TEAD1: variants seen among roughly 807,000 people sequenced by gnomAD.
TEAD1 encodes the protein transcriptional enhancer factor TEF-1.
TEAD1 carries 9 observed loss-of-function variants against 54.9 expected under a neutral mutation model. That is an observed-to-expected ratio of 0.16 (90% CI 0.10 to 0.29). The LOEUF is 0.29. TEAD1 is among the 10% of genes least tolerant of loss of function. The pLI, the probability that TEAD1 is intolerant of heterozygous loss-of-function variation, is 1.00. For missense variants in TEAD1, 387 were observed against 535.9 expected, an observed-to-expected ratio of 0.72 and a Z score of 2.74; for synonymous variants, 200 against 187.8, an observed-to-expected ratio of 1.07 and a Z score of -0.53.
At chr11:12,744,327 A>T (rs1195666817) in intron 2 of TEAD1, among the ~76,000 whole-genome samples, 1 of 152,214 alleles carries the variant, frequency 6.6e-6, no homozygotes, top group Admixed American at 6.5e-5. Flanking sequence ...GATTACAAGG[A>T]TGTTTGCTAC....
At chr11:12,746,872 C>T (rs1438499813) in intron 2 of TEAD1, among the ~76,000 whole-genome samples, 2 of 152,234 alleles carry the variant, frequency 1.3e-5, no homozygotes, top group Admixed American at 1.3e-4. Context: ...GGGCAGGCTG[C>T]AGCAGGGGCT....
At chr11:12,712,980 A>G (rs1403800426) in intron 2 of TEAD1, among the ~76,000 whole-genome samples, 2 of 152,152 alleles carry the variant, frequency 1.3e-5, no homozygotes, top group Non-Finnish European at 2.9e-5. Context: ...GTGACCAGGT[A>G]CTTCTCAGGT....
chr11:12,914,061 T>A (rs1948665822), intron 10 of TEAD1, among the ~76,000 whole-genome samples: 1 of 152,328 alleles, frequency 6.6e-6, no homozygotes, highest in African/African-American at 2.4e-5. Flanking sequence ...ACCTGACTCT[T>A]TCATCCTAGC....
chr11:12,787,384 G>A (rs1284272005), intron 3 of TEAD1, among the ~76,000 whole-genome samples: 1 of 152,158 alleles, frequency 6.6e-6, no homozygotes, highest in African/African-American at 2.4e-5. Context: ...GATGCGCCTG[G>A]TTTAAGGGAC....
rs76096096 is a variant in TEAD1 at position 12,830,271 on chromosome 11, G to A, written c.203-31979G>A. ...TGAGGTCAGAGGATACCTGACCTAC[G>A]AAGATCCACAAAGGCTGGCAGTGGG... On this transcript the variant is annotated intron_variant, in intron 3 of 12. Coordinates refer to ENST00000527636, the MANE Select transcript of TEAD1 (RefSeq NM_021961.6). Among the ~76,000 whole-genome samples the A allele has an allele frequency of 4.2e-3, 641 of 152,206 alleles. 12 individuals are homozygous for A. The highest frequency in any genetic ancestry group is 0.03 in the Admixed American group (456 of 15,294).
At chr11:12,679,956 T>A (rs1358544822) in intron 2 of TEAD1, among the ~76,000 whole-genome samples, 1 of 152,222 alleles carries the variant, frequency 6.6e-6, no homozygotes, top group East Asian at 1.9e-4. Context: ...CACTGCTGAG[T>A]TCTCTTTGAA....
At chr11:12,719,742 G>A (rs546014337) in intron 2 of TEAD1, among the ~76,000 whole-genome samples, 2 of 152,038 alleles carry the variant, frequency 1.3e-5, no homozygotes, top group African/African-American at 4.8e-5. Context: ...TAGGATATTG[G>A]TTCAAACTGC....
At position 12,767,868 on chromosome 11, in the gene TEAD1, C is replaced by A. The variant is rs983685972; in HGVS notation, c.202+3434C>A. ...GTCTTTTTCATTTTTTGTTTTTACA[C>A]AGCTACGTGTGACTCTTTTCCTGGT... is the stretch of plus-strand genomic sequence containing the variant. On this transcript the variant is annotated intron_variant, in intron 3 of 12. Coordinates refer to ENST00000527636, the MANE Select transcript of TEAD1 (RefSeq NM_021961.6). Among the ~76,000 whole-genome samples, 20 of 152,246 alleles carry A rather than the reference C, an allele frequency of 1.3e-4. 2 individuals carry two copies. The highest frequency in any genetic ancestry group is 1.1e-3 in the Admixed American group (17 of 15,294).
At chr11:12,841,541 T>C (rs568796258) in intron 3 of TEAD1, among the ~76,000 whole-genome samples, 17 of 152,206 alleles carry the variant, frequency 1.1e-4, no homozygotes, top group Non-Finnish European at 2.2e-4. Flanking sequence ...TCTCTGGCTT[T>C]TCTGAGAATC....
At chr11:12,737,903 A>G (rs1944569638) in intron 2 of TEAD1, among the ~76,000 whole-genome samples, 1 of 152,218 alleles carries the variant, frequency 6.6e-6, no homozygotes. Flanking sequence ...ATGGACTCAC[A>G]GTTCCATGTG....
chr11:12,681,390 G>A (rs76595359), intron 2 of TEAD1, among the ~76,000 whole-genome samples: 2,179 of 152,150 alleles, frequency 0.014, 57 homozygotes, highest in African/African-American at 0.05. Context: ...TACCTTAGCC[G>A]TAAAATGCAA....
At chr11:12,788,139 C>G (rs903160061) in intron 3 of TEAD1, among the ~76,000 whole-genome samples, 1 of 129,294 alleles carries the variant, frequency 7.7e-6, no homozygotes, top group Non-Finnish European at 1.7e-5. Context: ...CTAATTTTGT[C>G]TTTTTTTTTT....
At chr11:12,698,408 A>G (rs1360514551) in intron 2 of TEAD1, among the ~76,000 whole-genome samples, 1 of 152,052 alleles carries the variant, frequency 6.6e-6, no homozygotes, top group African/African-American at 2.4e-5. Context: ...TGTTTAAACT[A>G]CCAGAGCAGA....
chr11:12,717,218 GC>G (rs1277053176), intron 2 of TEAD1, among the ~76,000 whole-genome samples: 4 of 152,218 alleles, frequency 2.6e-5, no homozygotes, highest in Non-Finnish European at 5.9e-5. Flanking sequence ...GCAGTTGTAT[GC>G]CTCTGGTATG....
intron 3 of TEAD1, among the ~76,000 whole-genome samples, chr11:12,797,697 AG>A (rs1171002367): frequency 6.6e-6 from 1 of 152,058 alleles, no homozygotes; most frequent in Non-Finnish European, 1.5e-5. Context: ...ATCTGTGCAG[AG>A]GATCACCATT....
Position 12,939,391 on chromosome 11 carries a change from G to C in TEAD1, c.*2169G>C, listed in dbSNP as rs941481257. On this transcript the variant is annotated 3_prime_UTR_variant, in exon 13 of 13. Transcript: ENST00000527636. Reference sequence around the variant, plus strand: ...CAGGACCAGGAGTTTATGACCAGGCGAGCACAAATGGCTAAAAGCCAAGCT... The same window carrying C: ...CAGGACCAGGAGTTTATGACCAGGCCAGCACAAATGGCTAAAAGCCAAGCT... 1 of 152,270 alleles carries C rather than the reference G, an allele frequency of 6.6e-6. No homozygotes were observed. The highest frequency in any genetic ancestry group is 1.5e-5 in the Non-Finnish European group (1 of 68,098). 9.4% of individuals were successfully genotyped at this position (152,270 alleles called of 1,614,324 possible). A position where few individuals can be genotyped will look rare whatever the true frequency, so the allele number is the denominator to read the frequency against.
chr11:12,717,373 T>C (rs1944087479), intron 2 of TEAD1, among the ~76,000 whole-genome samples: 1 of 152,204 alleles, frequency 6.6e-6, no homozygotes, highest in South Asian at 2.1e-4. Context: ...TTCCTGAGTG[T>C]CTTGACTGAT....
rs564712067 is a variant in TEAD1 at position 12,749,563 on chromosome 11, G to A, written c.-54-14616G>A. Among the ~76,000 whole-genome samples, 8 of 152,294 alleles carry A rather than the reference G, an allele frequency of 5.3e-5. No homozygotes were observed. In the South Asian group the frequency reaches 1.7e-3, roughly 32 times the overall value. On this transcript the variant is annotated intron_variant, in intron 2 of 12. Coordinates refer to ENST00000527636, the MANE Select transcript of TEAD1 (RefSeq NM_021961.6). ...TGTCAGAGGGGAGGGGGAGGAGACTGCTGGCTGGAGAGGGCTCACAGCACC... is the reference window on the plus strand; with the variant it reads ...TGTCAGAGGGGAGGGGGAGGAGACTACTGGCTGGAGAGGGCTCACAGCACC...
intron 12 of TEAD1, among the ~76,000 whole-genome samples, chr11:12,935,749 C>T (rs553612736): frequency 1.7e-4 from 26 of 152,276 alleles, no homozygotes; most frequent in African/African-American, 5.5e-4. Flanking sequence ...TGAGCCACCA[C>T]GCCCGGCCCA....
Sources: gnomAD v4.1 joint callset for allele counts (sites outside exome capture counted in the v4.1 genomes callset) on GRCh38, gnomAD v4.1.1 for gene constraint, MANE v1.5 for transcripts, NCBI Gene and HGNC (gene_info 2026-07-23, HGNC 2026-07-21) for gene names.